The following USP12 variants were observed in gnomAD, a reference collection of about 807,000 sequenced individuals.
The protein encoded by USP12 is ubiquitin carboxyl-terminal hydrolase 12.
Under a neutral mutation model 45.5 loss-of-function variants are expected in USP12, and 19 were observed. The ratio of observed to expected loss-of-function variants is 0.42; its 90% CI spans 0.29 to 0.61. The LOEUF (loss-of-function observed/expected upper bound fraction) is 0.61. Ranked by LOEUF, USP12 falls within the 20% of genes least tolerant of loss-of-function variation. The pLI is 0.22. For synonymous variants in USP12, 149 were observed against 148.8 expected (o/e 1.00, Z -0.01); for missense variants, 242 against 447.7 (o/e 0.54, Z 4.15).
chr13:27,087,795 T>C (rs1265685285), intron 6 of USP12, among the ~76,000 whole-genome samples: 2 of 152,186 alleles, frequency 1.3e-5, no homozygotes, highest in African/African-American at 4.8e-5. Context: ...GGAGCCAGCT[T>C]GGAGGAACTC....
In USP12 at chr13:27,105,871, A is replaced by C; in HGVS notation, c.203T>G (p.Leu68Arg). The C allele has an allele frequency of 6.2e-7, 1 of 1,613,900 alleles. No individual in the cohort carries two copies. The highest frequency in any genetic ancestry group is 8.5e-7 in the Non-Finnish European group (1 of 1,179,832). ...TTTCCTAGGTTGACTCTTATACGCA[A>C]GAACTTTTTCCCGAAATGGACGACA... ...YFCRPFREKV[L>R]AYKSQPRKKE... Residue 68 changes from leucine (L) to arginine (R), a missense_variant, in exon 3 of 9, where the codon CTT becomes CGT. Physicochemically the swap from Leu to Arg is moderately radical, Grantham distance 102. This residue lies in a region of USP12 where 77 missense variants were observed against 153.7 expected (regional missense o/e 0.50). Transcript: ENST00000282344.
At position 27,082,799 on chromosome 13, in the gene USP12, G is replaced by C. The variant is rs184152538; in HGVS notation, c.734+7084C>G. ...AGAGGTAGGAGGGGGAAAACGTCAG[G>C]TGGGTGGAGCAGTCAGAACGCACAA... On this transcript the variant is annotated intron_variant, in intron 6 of 8. Coordinates refer to ENST00000282344, the MANE Select transcript of USP12 (RefSeq NM_182488.4). 3.1e-3 allele frequency among the ~76,000 whole-genome samples: 479 copies of C among 152,272 alleles called. 2 individuals carry two copies. The highest frequency in any genetic ancestry group is 4.6e-3 in the Non-Finnish European group (312 of 68,014).
chr13:27,147,366 G>C (rs73159780), intron 1 of USP12, among the ~76,000 whole-genome samples: 6,790 of 152,166 alleles, frequency 0.045, 200 homozygotes, highest in Middle Eastern at 0.054. Flanking sequence ...GAGAATGCTT[G>C]TAATATTTAA....
At chr13:27,110,581 G>C (rs1272629642) in intron 2 of USP12, among the ~76,000 whole-genome samples, 1 of 152,216 alleles carries the variant, frequency 6.6e-6, no homozygotes, top group Non-Finnish European at 1.5e-5. Context: ...TACACTGCTA[G>C]TAGGAGACAA....
intron 1 of USP12, among the ~76,000 whole-genome samples, chr13:27,139,517 A>G (rs1252552649): frequency 6.6e-6 from 1 of 152,120 alleles, no homozygotes; most frequent in Non-Finnish European, 1.5e-5. Flanking sequence ...TCAGGAGGCT[A>G]AGGCAGGAGA....
intron 2 of USP12, among the ~76,000 whole-genome samples, chr13:27,115,660 C>T (rs1875696756): frequency 6.6e-6 from 1 of 152,190 alleles, no homozygotes; most frequent in Non-Finnish European, 1.5e-5. Context: ...GAACAGGTAA[C>T]ATTCAGGTAA....
At chr13:27,102,419 C>G (rs1874911631) in intron 3 of USP12, among the ~76,000 whole-genome samples, 1 of 152,014 alleles carries the variant, frequency 6.6e-6, no homozygotes, top group African/African-American at 2.4e-5. Flanking sequence ...TCAAACAAAT[C>G]AGAACGTATC....
rs181799232 is a variant in USP12, at chr13:27,164,341, A to T, written c.48+7251T>A. ...CAGTTGGAAATAAATTTTTATTGGTACGTAGCTTTGGACATGTGGCTCACT... is the reference window on the plus strand; with the variant it reads ...CAGTTGGAAATAAATTTTTATTGGTTCGTAGCTTTGGACATGTGGCTCACT... On this transcript the variant is annotated intron_variant, in intron 1 of 8. Coordinates refer to ENST00000282344, the MANE Select transcript of USP12 (RefSeq NM_182488.4). Among the ~76,000 whole-genome samples, 7 of 152,332 alleles carry T rather than the reference A, an allele frequency of 4.6e-5. No homozygotes were observed. The East Asian group carries it at 1.3e-3, about 29-fold the overall frequency.
chr13:27,140,115 G>A (rs993123686), intron 1 of USP12, among the ~76,000 whole-genome samples: 1 of 151,896 alleles, frequency 6.6e-6, no homozygotes, highest in Admixed American at 6.6e-5. Flanking sequence ...CTCATCTAAT[G>A]CAATTCTAAT....
At chr13:27,090,546 A>T (rs1392675417) in intron 4 of USP12, among the ~76,000 whole-genome samples, 1 of 149,234 alleles carries the variant, frequency 6.7e-6, no homozygotes, top group African/African-American at 2.5e-5. Context: ...TATTGTCATT[A>T]AAAAAAAAAT....
intron 1 of USP12, among the ~76,000 whole-genome samples, chr13:27,150,266 T>C (rs143591152): frequency 2.8e-4 from 42 of 152,218 alleles, no homozygotes; most frequent in Admixed American, 2.7e-3. Flanking sequence ...TTATATATGC[T>C]TGTCCTGAAC....
Position 27,171,609 on chromosome 13 carries a change from C to T in USP12, c.31G>A (p.Ala11Thr). The T allele has an allele frequency of 7.8e-7, 1 of 1,289,850 alleles. No individual in the cohort carries two copies. The highest frequency in any genetic ancestry group is 1.0e-6 in the Non-Finnish European group (1 of 985,806). The allele number at this position is 1,289,850 out of a possible 1,614,324, so 79.9% of individuals were successfully genotyped here. The change falls in exon 1 of 9, where the codon GCC becomes ACC. Residue 11 changes from alanine (A) to threonine (T), a missense_variant. Ala to Thr is a moderately conservative substitution (Grantham distance 58). Coordinates refer to ENST00000282344, the MANE Select transcript of USP12 (RefSeq NM_182488.4). ...CCACCTACCATGGTACAGATGGAGG[C>T]GAATTTGGAGACTGTCATTAGGATT... MEILMTVSKF[A>T]SICTMGANAS...
intron 2 of USP12, among the ~76,000 whole-genome samples, chr13:27,113,778 G>T (rs1875580922): frequency 6.6e-6 from 1 of 152,130 alleles, no homozygotes; most frequent in African/African-American, 2.4e-5. Flanking sequence ...ATATTTTCTG[G>T]ACTCTCCAAC....
rs1368312512 is a variant in USP12 at position 27,067,671 on chromosome 13, TAA to T, written c.*1610_*1611del. The T allele has an allele frequency of 6.6e-6, 1 of 152,158 alleles. No individual in the cohort carries two copies. Among genetic ancestry groups the T allele is most frequent in the Non-Finnish European group, 1.5e-5 (1 of 68,016 alleles). 9.4% of individuals were successfully genotyped at this position (152,158 alleles called of 1,614,324 possible). A position where few individuals can be genotyped will look rare whatever the true frequency, so the allele number is the denominator to read the frequency against. ...ATAAATGTTAATAATAGCAGCAGAC[TAA>T]AAAATTCCTTTTTGTTGTTTTCCAT... On this transcript the variant is annotated 3_prime_UTR_variant, in exon 9 of 9. Transcript: ENST00000282344.
intron 1 of USP12, among the ~76,000 whole-genome samples, chr13:27,151,740 C>T (rs1455308374): frequency 6.6e-6 from 1 of 152,102 alleles, no homozygotes; most frequent in East Asian, 1.9e-4. Context: ...TCACTACACT[C>T]CAGCCTGAGT....
chr13:27,150,273 G>T (rs903022894), intron 1 of USP12, among the ~76,000 whole-genome samples: 10 of 151,904 alleles, frequency 6.6e-5, no homozygotes, highest in African/African-American at 2.4e-4. Context: ...TGCTTGTCCT[G>T]AACAATCTGA....
intron 1 of USP12, 83 bp downstream of exon 1, chr13:27,171,509 G>C (rs904472351): frequency 4.5e-6 from 2 of 439,908 alleles, no homozygotes; most frequent in African/African-American, 2.3e-5. Flanking sequence ...CCCCGCGAGC[G>C]GCCACTGGGA....
intron 1 of USP12, among the ~76,000 whole-genome samples, chr13:27,117,493 G>C (rs1875797652): frequency 6.7e-6 from 1 of 149,390 alleles, no homozygotes; most frequent in Non-Finnish European, 1.5e-5. Context: ...TACATAAAAT[G>C]TGACAGCATA....
At chr13:27,084,534 G>A (rs1323316315) in intron 6 of USP12, among the ~76,000 whole-genome samples, 2 of 150,874 alleles carry the variant, frequency 1.3e-5, no homozygotes, top group Non-Finnish European at 3.0e-5. Context: ...TATAGTTTTA[G>A]GTCTTAAATC....
Sources: allele counts gnomAD v4.1 joint callset (sites outside exome capture counted in the v4.1 genomes callset), GRCh38; gene constraint gnomAD v4.1.1; regional missense constraint gnomAD v4.1.1; transcripts MANE v1.5; gene names NCBI Gene and HGNC (gene_info 2026-07-23, HGNC 2026-07-21).